The following HACE1 variants were observed in gnomAD, a reference collection of about 807,000 sequenced individuals.
The protein encoded by HACE1 is HECT domain and ankyrin repeat containing E3 ubiquitin protein ligase 1, also known as E3 ubiquitin-protein ligase HACE1.
Under a neutral mutation model 118.4 loss-of-function variants are expected in HACE1, and 73 were observed. The observed-to-expected ratio is 0.62, with a 90% CI of 0.51 to 0.75. The LOEUF is 0.75. HACE1 is among the 30% of genes least tolerant of loss of function. The pLI is 0.00. For missense variants in HACE1, 749 were observed against 1,102.2 expected (o/e 0.68, Z 4.54); for synonymous variants, 368 against 374.8 (o/e 0.98, Z 0.21).
intron 5 of HACE1, among the ~76,000 whole-genome samples, chr6:104,841,389 A>G (rs1775106909): frequency 6.6e-6 from 1 of 152,210 alleles, no homozygotes. Flanking sequence ...ATCATGCCTA[A>G]ACTGGTTAGT....
chr6:104,740,416 G>A (rs146055202), intron 22 of HACE1, among the ~76,000 whole-genome samples: 16,845 of 151,890 alleles, frequency 0.11, 967 homozygotes, highest in East Asian at 0.16. Flanking sequence ...TTGATAGACC[G>A]CTAGCAAGAC....
chr6:104,732,025 G>C (rs1775264475), intron 22 of HACE1: 1 of 152,050 alleles, frequency 6.6e-6, no homozygotes, highest in Non-Finnish European at 1.5e-5. Flanking sequence ...CACTCATTAA[G>C]ATGACTATCG....
intron 19 of HACE1, among the ~76,000 whole-genome samples, chr6:104,759,998 G>A (rs1779162619): frequency 6.6e-6 from 1 of 152,110 alleles, no homozygotes; most frequent in African/African-American, 2.4e-5. Flanking sequence ...GACTAAACCA[G>A]GAAGCAGTTG....
chr6:104,849,319 C>T (rs1194539176), intron 3 of HACE1, 73 bp from the exon 4 acceptor site: 17 of 932,196 alleles, frequency 1.8e-5, no homozygotes, highest in Non-Finnish European at 3.0e-5. Flanking sequence ...AATTAAAAAA[C>T]AAAATATTCT....
At chr6:104,782,663 A>T (rs1781865538) in intron 14 of HACE1, among the ~76,000 whole-genome samples, 1 of 152,202 alleles carries the variant, frequency 6.6e-6, no homozygotes, top group South Asian at 2.1e-4. Flanking sequence ...CATTCATGGA[A>T]GCAAATACAT....
In HACE1 at chr6:104,776,729, T is replaced by C. The variant is rs1431864037; in HGVS notation, c.1864+12A>G. On this transcript the variant is annotated intron_variant, in intron 17 of 23. Transcript: ENST00000262903. The stretch of plus-strand genomic sequence containing the variant: ...AAGTTGCAGAAAAAGTCATCTAGAC[T>C]GTACAACTTACCATCAGCTGACTGG... 3 of 1,493,762 alleles carry C rather than the reference T, an allele frequency of 2.0e-6. No individual in the cohort carries two copies. Among genetic ancestry groups the C allele is most frequent in the Admixed American group, 3.3e-5 (2 of 59,880 alleles). The allele number at this position is 1,493,762 out of a possible 1,614,324, so 92.5% of individuals were successfully genotyped here.
At chr6:104,835,771 A>G (rs1774471300) in intron 5 of HACE1, among the ~76,000 whole-genome samples, 1 of 152,220 alleles carries the variant, frequency 6.6e-6, no homozygotes, top group Non-Finnish European at 1.5e-5. Flanking sequence ...GCAAGACATA[A>G]TAATCACAGG....
At chr6:104,832,800 G>A (rs1774140056) in intron 6 of HACE1, among the ~76,000 whole-genome samples, 1 of 152,060 alleles carries the variant, frequency 6.6e-6, no homozygotes, top group East Asian at 1.9e-4. Context: ...TCGTGAGGCT[G>A]AGGTGGAAGG....
chr6:104,761,827 A>G (rs1197816574), intron 19 of HACE1, among the ~76,000 whole-genome samples: 1 of 151,472 alleles, frequency 6.6e-6, no homozygotes, highest in Non-Finnish European at 1.5e-5. Flanking sequence ...TCCAGAATCT[A>G]CAAAGAACTT....
At chr6:104,826,650 G>A (rs773679192) in intron 6 of HACE1, among the ~76,000 whole-genome samples, 1 of 152,132 alleles carries the variant, frequency 6.6e-6, no homozygotes, top group Non-Finnish European at 1.5e-5. Flanking sequence ...ATGCAAACAC[G>A]TAAAAGCATG....
intron 3 of HACE1, 85 bp downstream of exon 3, chr6:104,850,822 C>T: frequency 1.1e-6 from 1 of 887,448 alleles, no homozygotes; most frequent in Non-Finnish European, 1.9e-6. Context: ...CATCTCTCCC[C>T]AGAAATATTG....
intron 22 of HACE1, among the ~76,000 whole-genome samples, chr6:104,738,189 A>G (rs1226820596): frequency 2.0e-5 from 3 of 152,188 alleles, no homozygotes; most frequent in Non-Finnish European, 4.4e-5. Flanking sequence ...ATCAAAGACC[A>G]TAAGTAGATA....
In HACE1 at chr6:104,795,668, C is replaced by T. The variant is rs1271095323; in HGVS notation, c.834G>A (p.Glu278=). The part of the protein sequence containing the change: ...LRENMLRQVL[E]HLSQQSESQY... ...GGCTTTCACTTTGCTGAGACAAATG[C>T]TCCAGAACTTGCCGTAACTAAATTT... The change falls in exon 10 of 24, where the codon GAG becomes GAA. Residue 278 remains glutamate (E), a synonymous_variant. Coordinates refer to ENST00000262903, the MANE Select transcript of HACE1 (RefSeq NM_020771.4). 6 of 1,610,300 alleles carry T rather than the reference C, an allele frequency of 3.7e-6. No homozygotes were observed. The highest frequency in any genetic ancestry group is 5.1e-6 in the Non-Finnish European group (6 of 1,176,800).
At chr6:104,739,853 A>C (rs201639649) in intron 22 of HACE1, among the ~76,000 whole-genome samples, 1 of 115,154 alleles carries the variant, frequency 8.7e-6, no homozygotes, top group Non-Finnish European at 1.9e-5. Context: ...CCCCAAATCA[A>C]CAGAATATAC....
intron 22 of HACE1, 195 bp from the exon 23 acceptor site, chr6:104,730,611 C>G: frequency 7.0e-6 from 4 of 568,374 alleles, no homozygotes; most frequent in Non-Finnish European, 1.3e-5. Context: ...ATGGAGACAC[C>G]CCTCCACATT....
intron 7 of HACE1, among the ~76,000 whole-genome samples, chr6:104,801,439 A>G (rs557258989): frequency 2.0e-5 from 3 of 152,336 alleles, no homozygotes; most frequent in Admixed American, 2.0e-4. Context: ...GTTGAAATGA[A>G]GGAAAAAATA....
intron 7 of HACE1, among the ~76,000 whole-genome samples, chr6:104,802,972 C>T (rs1292651238): frequency 6.6e-6 from 1 of 152,012 alleles, no homozygotes; most frequent in Non-Finnish European, 1.5e-5. Flanking sequence ...GCTAGCAAGA[C>T]TAATAAAGAA....
At chr6:104,828,719 C>T (rs1773569993) in intron 6 of HACE1, among the ~76,000 whole-genome samples, 1 of 151,944 alleles carries the variant, frequency 6.6e-6, no homozygotes, top group African/African-American at 2.4e-5. Context: ...ATCATGTTTA[C>T]CTCTAATGCA....
At chr6:104,833,260 G>A (rs926876880) in intron 5 of HACE1, 87 bp from the exon 6 acceptor site, 62 of 1,222,350 alleles carry the variant, frequency 5.1e-5, no homozygotes, top group South Asian at 4.0e-4. Flanking sequence ...TCAGCTGGGC[G>A]TGATTTGCAC....
Sources: gnomAD v4.1 joint callset for allele counts (sites outside exome capture counted in the v4.1 genomes callset) on GRCh38, gnomAD v4.1.1 for gene constraint, MANE v1.5 for transcripts, NCBI Gene and HGNC (gene_info 2026-07-23, HGNC 2026-07-21) for gene names.